The following VPS13C variants were observed in gnomAD, a reference collection of about 807,000 sequenced individuals.
The protein encoded by VPS13C is intermembrane lipid transfer protein VPS13C.
Under a neutral mutation model 456.8 loss-of-function variants are expected in VPS13C, and 358 were observed. The ratio of observed to expected loss-of-function variants is 0.78; its 90% CI spans 0.72 to 0.86. The LOEUF is 0.86. Ranked by LOEUF, VPS13C falls within the 40% of genes least tolerant of loss-of-function variation. VPS13C has a pLI of 0.00. For synonymous variants in VPS13C, 1,578 were observed against 1,486.7 expected (o/e 1.06, Z -1.41); for missense variants, 4,818 against 4,385.4 (o/e 1.10, Z -2.79).
rs959099503 is a variant in VPS13C at position 61,854,346 on chromosome 15, T to G, written c.*111A>C. The stretch of plus-strand genomic sequence containing the variant: ...CCCAATACTAGCTATTCCAGAAAAC[T>G]AAAACTAAAGGATTGCTTGAAAAAT... On this transcript the variant is annotated 3_prime_UTR_variant, in exon 85 of 85. Transcript: ENST00000644861. The G allele has an allele frequency of 1.9e-6, 2 of 1,049,890 alleles. No individual in the cohort carries two copies. Among genetic ancestry groups the G allele is most frequent in the African/African-American group, 3.2e-5 (2 of 63,004 alleles). 65.0% of individuals were successfully genotyped at this position (1,049,890 alleles called of 1,614,324 possible). A position where few individuals can be genotyped will look rare whatever the true frequency, so the allele number is the denominator to read the frequency against.
chr15:62,032,171 T>C (rs1050240553), intron 5 of VPS13C, among the ~76,000 whole-genome samples: 1 of 151,796 alleles, frequency 6.6e-6, no homozygotes, highest in African/African-American at 2.4e-5. Context: ...CAAGAAAAAG[T>C]GAAATTCTAG....
At chr15:61,977,657 A>G (rs1252254344) in intron 23 of VPS13C, among the ~76,000 whole-genome samples, 1 of 152,180 alleles carries the variant, frequency 6.6e-6, no homozygotes, top group African/African-American at 2.4e-5. Flanking sequence ...GTTTTATCAA[A>G]CAAAATTTCA....
At chr15:61,928,521 T>C (rs183199282) in intron 51 of VPS13C, among the ~76,000 whole-genome samples, 1 of 152,180 alleles carries the variant, frequency 6.6e-6, no homozygotes, top group Non-Finnish European at 1.5e-5. Context: ...CCAGGACATA[T>C]TAGTTTTCCA....
chr15:61,916,455 A>G (rs1033674893), intron 60 of VPS13C, among the ~76,000 whole-genome samples: 2 of 152,216 alleles, frequency 1.3e-5, no homozygotes, highest in African/African-American at 4.8e-5. Flanking sequence ...TAGTCAGAGT[A>G]AAAAGTTACT....
At chr15:61,866,527 C>T (rs1894604153) in intron 81 of VPS13C, 1 of 984,988 alleles carries the variant, frequency 1.0e-6, no homozygotes. Context: ...ACTTTAGAAT[C>T]TCAGGAAGGG....
At position 61,940,758 on chromosome 15, in the gene VPS13C, A is replaced by C. The variant is rs758772899; in HGVS notation, c.5490T>G (p.Ile1830Met). Residue 1830 changes from isoleucine to methionine, a missense_variant, in exon 47 of 85, where the codon ATT (isoleucine) becomes ATG (methionine). By Grantham distance (10) the Ile-to-Met change is conservative. Coordinates refer to ENST00000644861, the MANE Select transcript of VPS13C (RefSeq NM_020821.3). ...ILQASLPQND[I>M]EILKPVNMLL... ...GCATGTTGACTGGTTTTAAAATTTC[A>C]ATGTCATTTTGTGGCAAGCTAGCCT... 6.2e-7 allele frequency: 1 copy of C among 1,613,560 alleles called. No individual in the cohort carries two copies.
intron 30 of VPS13C, among the ~76,000 whole-genome samples, chr15:61,965,679 C>T (rs2045355300): frequency 6.6e-6 from 1 of 151,886 alleles, no homozygotes. Flanking sequence ...GCCCCTCTTA[C>T]TCTAAGCTAC....
At chr15:61,895,717 C>G (rs1298027982) in intron 66 of VPS13C, among the ~76,000 whole-genome samples, 1 of 152,124 alleles carries the variant, frequency 6.6e-6, no homozygotes, top group Non-Finnish European at 1.5e-5. Context: ...AAGTTAAATA[C>G]TGCACATTCT....
In VPS13C at chr15:61,991,780, A is replaced by T; in HGVS notation, c.1376T>A (p.Leu459Ter). ...QVEVIRSGQK[L>*]RKKSADTGEK... is the part of the protein sequence containing the mutation. ...GCCTGTGTCAGCAGACTTTTTCCTT[A>T]ATTTTTGCCCAGACCGAATCACCTG... Residue 459 changes from leucine to a stop codon, truncating the protein, a stop_gained, in exon 17 of 85, where the codon TTA (leucine) becomes TAA (stop). Transcript: ENST00000644861. LOFTEE classifies it high-confidence loss of function. 1 of 1,613,028 alleles carries T rather than the reference A, an allele frequency of 6.2e-7. No homozygotes were observed. The highest frequency in any genetic ancestry group is 8.5e-7 in the Non-Finnish European group (1 of 1,179,504).
In VPS13C at chr15:61,863,456, G is replaced by A. The variant is rs768214066; in HGVS notation, c.10936C>T (p.Leu3646Phe). 1.9e-6 allele frequency: 3 copies of A among 1,611,984 alleles called. No homozygotes were observed. Among genetic ancestry groups the A allele is most frequent in the East Asian group, 2.2e-5 (1 of 44,738 alleles). ...CAIPGSKKTI[L>F]MVTNRRVLCI... Reference sequence around the variant, plus strand: ...AGTCAGTACCTATTTGTAACCATAAGGATTGTCTTCTTGCTTCCAGGAATA... The same window carrying A: ...AGTCAGTACCTATTTGTAACCATAAAGATTGTCTTCTTGCTTCCAGGAATA... The change falls in exon 82 of 85, where the codon CTT (leucine) becomes TTT (phenylalanine). Residue 3646 changes from leucine to phenylalanine, a missense_variant. Leu to Phe is a conservative substitution (Grantham distance 22). This residue lies in a region of VPS13C where 261 missense variants were observed against 234.1 expected (regional missense o/e 1.11). Transcript: ENST00000644861.
At chr15:62,045,989 A>G (rs1403302236) in intron 1 of VPS13C, among the ~76,000 whole-genome samples, 2 of 152,190 alleles carry the variant, frequency 1.3e-5, no homozygotes, top group Non-Finnish European at 1.5e-5. Context: ...ATACATAGAA[A>G]AAAATAAAAA....
chr15:61,882,521 A>C lies in VPS13C; in HGVS notation c.9624+75T>G. 1.5e-6 allele frequency: 2 copies of C among 1,339,086 alleles called. 1 individual carries two copies. Among genetic ancestry groups the C allele is most frequent in the South Asian group, 4.2e-5 (2 of 47,214 alleles). The allele number at this position is 1,339,086 out of a possible 1,614,324, so 83.0% of individuals were successfully genotyped here. ...ATACCAATTACAATGTAAACTATAT[A>C]GTTGTAAAAAAGAAATTTCATTCCC... On this transcript the variant is annotated intron_variant, in intron 69 of 84. Transcript: ENST00000644861.
rs759936817 is a variant in VPS13C at position 62,010,584 on chromosome 15, G to A, written c.899C>T (p.Ser300Leu). ...ATTCATGTAGAGTTTTGCAGAGGCTGATATTGGCTGGAAAACTTACATCAC... is the reference window on the plus strand; with the variant it reads ...ATTCATGTAGAGTTTTGCAGAGGCTAATATTGGCTGGAAAACTTACATCAC... Reference protein sequence around the residue: ...PNYQYIFQPISASAKLYMNPY... With the variant: ...PNYQYIFQPILASAKLYMNPY... The change falls in exon 13 of 85, where the codon TCA becomes TTA. Residue 300 changes from serine to leucine, a missense_variant. Coordinates refer to ENST00000644861, the MANE Select transcript of VPS13C (RefSeq NM_020821.3). 9.9e-6 allele frequency: 16 copies of A among 1,610,602 alleles called. No individual in the cohort carries two copies. The South Asian group carries it at 1.8e-4, about 18-fold the overall frequency.
Position 61,854,102 on chromosome 15 carries a change from T to G in VPS13C, c.*355A>C, listed in dbSNP as rs531881091. ...AAAACCTTTCAAAGAACACTAGTCA[T>G]TCTAAGCTCATTTCTTATTCTTCAG... On this transcript the variant is annotated 3_prime_UTR_variant, in exon 85 of 85. Transcript: ENST00000644861. The G allele has an allele frequency of 2.2e-5, 5 of 230,300 alleles. No homozygotes were observed. The highest frequency in any genetic ancestry group is 2.6e-5 in the Non-Finnish European group (3 of 116,698). The allele number at this position is 230,300 out of a possible 1,614,324, so 14.3% of individuals were successfully genotyped here.
intron 3 of VPS13C, 86 bp downstream of exon 3, chr15:62,041,238 T>C: frequency 7.0e-7 from 1 of 1,425,272 alleles, no homozygotes; most frequent in Non-Finnish European, 9.6e-7. Context: ...ACACTTTTAA[T>C]CAAAGATTTT....
chr15:61,884,362 C>A, intron 67 of VPS13C, 93 bp from the exon 68 acceptor site: 1 of 1,327,662 alleles, frequency 7.5e-7, no homozygotes, highest in Non-Finnish European at 1.0e-6. Flanking sequence ...TATTATTTTC[C>A]TATGAAAATT....
intron 31 of VPS13C, 117 bp downstream of exon 31, chr15:61,964,582 G>A: frequency 1.0e-6 from 1 of 995,724 alleles, no homozygotes; most frequent in Non-Finnish European, 1.4e-6. Flanking sequence ...AATTTAATTT[G>A]AAGAAAAGGG....
chr15:61,910,358 A>G (rs2043269789), intron 63 of VPS13C, 53 bp from the exon 64 acceptor site: 1 of 1,291,168 alleles, frequency 7.7e-7, no homozygotes, highest in Non-Finnish European at 1.0e-6. Flanking sequence ...TATATAATAA[A>G]TAAGACATTA....
intron 15 of VPS13C, among the ~76,000 whole-genome samples, chr15:62,006,062 C>T (rs1346925897): frequency 2.0e-5 from 3 of 150,170 alleles, no homozygotes; most frequent in African/African-American, 4.9e-5. Flanking sequence ...GAAGTAAAAG[C>T]TGTTTTTTTG....
Sources: gnomAD v4.1 joint callset for allele counts (sites outside exome capture counted in the v4.1 genomes callset) on GRCh38, gnomAD v4.1.1 for gene constraint, gnomAD v4.1.1 regional missense constraint, MANE v1.5 for transcripts, NCBI Gene and HGNC (gene_info 2026-07-23, HGNC 2026-07-21) for gene names.